Variants in GPR158 observed in about 807,000 individuals in gnomAD.
The protein encoded by GPR158 is metabotropic glycine receptor.
A neutral mutation model predicts 78.2 loss-of-function variants in GPR158; 30 were observed. The observed-to-expected ratio is 0.38, with a 90% CI of 0.29 to 0.52. The LOEUF (loss-of-function observed/expected upper bound fraction) is 0.52. Among genes scored for constraint, GPR158 ranks in the 20% least tolerant of loss-of-function variants. GPR158 has a pLI of 0.83. For synonymous variants in GPR158, 581 were observed against 591.1 expected (o/e 0.98, Z 0.25); for missense variants, 1,463 against 1,523.5 (o/e 0.96, Z 0.66).
chr10:25,569,216 A>G (rs1399517438), intron 6 of GPR158, among the ~76,000 whole-genome samples: 1 of 152,192 alleles, frequency 6.6e-6, no homozygotes. Context: ...TGAATTCTCA[A>G]GCTATACAAT....
At chr10:25,369,531 G>T (rs1246609168) in intron 2 of GPR158, among the ~76,000 whole-genome samples, 1 of 148,214 alleles carries the variant, frequency 6.7e-6, no homozygotes, top group Non-Finnish European at 1.5e-5. Context: ...CTTGATCATG[G>T]TGGATAAGCT....
At position 25,598,571 on chromosome 10, in the gene GPR158, A is replaced by T; in HGVS notation, c.2945A>T (p.Asn982Ile). ...KSGIMKQQRV[N>I]PTTANSDLNP... ...GGGATTATGAAACAACAAAGGGTCAACCCCACCACTGCCAATTCTGACCTG... is the reference window on the plus strand; with the variant it reads ...GGGATTATGAAACAACAAAGGGTCATCCCCACCACTGCCAATTCTGACCTG... Residue 982 changes from asparagine (N) to isoleucine (I), a missense_variant, in exon 11 of 11, where the codon AAC becomes ATC. Asn to Ile is a moderately radical substitution (Grantham distance 149). Coordinates refer to ENST00000376351, the MANE Select transcript of GPR158 (RefSeq NM_020752.3). 1 of 1,613,896 alleles carries T rather than the reference A, an allele frequency of 6.2e-7. No homozygotes were observed. Among genetic ancestry groups the T allele is most frequent in the Non-Finnish European group, 8.5e-7 (1 of 1,179,966 alleles).
chr10:25,515,080 GT>G lies in GPR158; in HGVS notation c.1405-35892del, dbSNP rs545049521. Among the ~76,000 whole-genome samples the G allele has an allele frequency of 2.1e-3, 322 of 152,164 alleles. 3 individuals carry two copies. The highest frequency in any genetic ancestry group is 7.4e-3 in the African/African-American group (309 of 41,544). ...CTAGATCTCTAACAAGGCTGGGGAA[GT>G]TTTCCTCAATTATTCCCTCAAATGT... On this transcript the variant is annotated intron_variant, in intron 5 of 10. Coordinates refer to ENST00000376351, the MANE Select transcript of GPR158 (RefSeq NM_020752.3).
chr10:25,596,806 A>G lies in GPR158; in HGVS notation c.2145+17A>G, dbSNP rs758349800. On this transcript the variant is annotated intron_variant, in intron 10 of 10. Coordinates refer to ENST00000376351, the MANE Select transcript of GPR158 (RefSeq NM_020752.3). ...GACATTCGGGTAATGCCAGTACTCT[A>G]TCTTTCTTCCTATTTCAGATTAGCC... 7 of 1,606,856 alleles carry G rather than the reference A, an allele frequency of 4.4e-6. No individual in the cohort carries two copies. In the East Asian group the frequency reaches 1.1e-4, roughly 26 times the overall value.
At chr10:25,307,614 A>G (rs911368741) in intron 2 of GPR158, among the ~76,000 whole-genome samples, 6 of 151,976 alleles carry the variant, frequency 3.9e-5, no homozygotes, top group Non-Finnish European at 5.9e-5. Flanking sequence ...GGCTCAAGCA[A>G]TCTTCCTGCC....
chr10:25,293,658 C>G (rs1175468765), intron 2 of GPR158, among the ~76,000 whole-genome samples: 1 of 152,058 alleles, frequency 6.6e-6, no homozygotes, highest in Admixed American at 6.6e-5. Flanking sequence ...TGTTTTTCTC[C>G]ATAGCAAATT....
chr10:25,376,344 T>G (rs539564789), intron 2 of GPR158, among the ~76,000 whole-genome samples: 1 of 151,780 alleles, frequency 6.6e-6, no homozygotes, highest in African/African-American at 2.4e-5. Context: ...TTAAAACATT[T>G]TAAATTATAG....
At chr10:25,302,167 G>C (rs1854607074) in intron 2 of GPR158, among the ~76,000 whole-genome samples, 1 of 99,896 alleles carries the variant, frequency 1.0e-5, no homozygotes, top group Non-Finnish European at 1.8e-5. Flanking sequence ...CGCCTCCCAG[G>C]TTCACGCCGT....
At chr10:25,510,081 G>A (rs1257077700) in intron 5 of GPR158, among the ~76,000 whole-genome samples, 2 of 152,128 alleles carry the variant, frequency 1.3e-5, no homozygotes, top group Non-Finnish European at 2.9e-5. Flanking sequence ...TCTACTGGAC[G>A]AGGCAGTTAC....
intron 1 of GPR158, among the ~76,000 whole-genome samples, chr10:25,181,164 TTACC>T (rs1852607133): frequency 6.6e-6 from 1 of 152,114 alleles, no homozygotes; most frequent in Non-Finnish European, 1.5e-5. Flanking sequence ...ATGAGTAGGC[TTACC>T]TACAGGAATA....
At chr10:25,445,452 A>C (rs1194472891) in intron 4 of GPR158, among the ~76,000 whole-genome samples, 2 of 152,210 alleles carry the variant, frequency 1.3e-5, no homozygotes, top group Non-Finnish European at 2.9e-5. Context: ...TGTTGAGCTT[A>C]TAAAATTTGG....
rs79365497 is a variant in GPR158 at position 25,226,982 on chromosome 10, C to T, written c.1008+5825C>T. Among the ~76,000 whole-genome samples the T allele has an allele frequency of 3.9e-3, 596 of 152,318 alleles. 4 individuals carry two copies. Among genetic ancestry groups the T allele is most frequent in the African/African-American group, 0.013 (520 of 41,560 alleles). On this transcript the variant is annotated intron_variant, in intron 2 of 10. Coordinates refer to ENST00000376351, the MANE Select transcript of GPR158 (RefSeq NM_020752.3). ...TTTACCAGGCTTAGCCAAAGGAGGC[C>T]ATATCACCACTGTATGGATGCTTAT... is the stretch of plus-strand genomic sequence containing the variant.
rs531005157 is a variant in GPR158, at chr10:25,368,309, C to A, written c.1009-27602C>A. On this transcript the variant is annotated intron_variant, in intron 2 of 10. Transcript: ENST00000376351. ...ATTTTTTTTTAGAGTAAACAGACAA[C>A]CTACAGAATGGGAGAAAATATTTGC... Among the ~76,000 whole-genome samples, 66 of 151,846 alleles carry A rather than the reference C, an allele frequency of 4.3e-4. 1 individual carries two copies. The South Asian group carries it at 0.011, about 24-fold the overall frequency.
At chr10:25,596,852 G>T (rs1837415298) in intron 10 of GPR158, 63 bp downstream of exon 10, 3 of 1,463,282 alleles carry the variant, frequency 2.1e-6, no homozygotes, top group Non-Finnish European at 2.8e-6. Context: ...AGGCAGGCGT[G>T]TGTGGGTTGG....
At position 25,589,041 on chromosome 10, in the gene GPR158, C is replaced by G; in HGVS notation, c.1788C>G (p.Leu596=). The part of the protein sequence containing the change: ...EFLFLLWGVY[L]CYAVRTVPSA... The stretch of plus-strand genomic sequence containing the variant: ...TATTCCTCTTGTGGGGTGTTTATCT[C>G]TGCTATGCAGTGCGGACAGTCCCAT... Residue 596 remains leucine (L), a synonymous_variant, in exon 8 of 11, where the codon CTC becomes CTG. Transcript: ENST00000376351. The G allele has an allele frequency of 1.2e-6, 2 of 1,606,368 alleles. No homozygotes were observed. The highest frequency in any genetic ancestry group is 1.7e-6 in the Non-Finnish European group (2 of 1,174,686).
intron 4 of GPR158, among the ~76,000 whole-genome samples, chr10:25,423,867 T>C (rs1208130536): frequency 6.6e-6 from 1 of 152,198 alleles, no homozygotes. Context: ...GTCTTTATAG[T>C]AACATGATTT....
chr10:25,306,094 C>T (rs1032005316), intron 2 of GPR158, among the ~76,000 whole-genome samples: 5 of 150,990 alleles, frequency 3.3e-5, no homozygotes, highest in African/African-American at 1.2e-4. Flanking sequence ...TGGCTCCCAA[C>T]TTACTTTCTT....
intron 1 of GPR158, among the ~76,000 whole-genome samples, chr10:25,193,369 G>A (rs1448200369): frequency 6.6e-6 from 1 of 152,148 alleles, no homozygotes; most frequent in Admixed American, 6.5e-5. Flanking sequence ...AGCTGAGGAA[G>A]GAAGGATGAG....
At chr10:25,431,755 A>C (rs1834910547) in intron 4 of GPR158, among the ~76,000 whole-genome samples, 7 of 152,126 alleles carry the variant, frequency 4.6e-5, no homozygotes, top group Admixed American at 4.6e-4. Context: ...AAACTATCGC[A>C]AGAACAAAAA....
Sources: allele counts gnomAD v4.1 joint callset (sites outside exome capture counted in the v4.1 genomes callset), GRCh38; gene constraint gnomAD v4.1.1; transcripts MANE v1.5; gene names NCBI Gene and HGNC (gene_info 2026-07-23, HGNC 2026-07-21).